Variants in CTPS2 observed in about 807,000 individuals in gnomAD.
CTPS2 encodes the protein CTP synthase II.
A neutral mutation model predicts 46.8 loss-of-function variants in CTPS2; 19 were observed. That is an observed-to-expected ratio of 0.41 (90% CI 0.28 to 0.60). The LOEUF (loss-of-function observed/expected upper bound fraction) is 0.60. Among genes scored for constraint, CTPS2 ranks in the 20% least tolerant of loss-of-function variants. The pLI is 0.35. For synonymous variants in CTPS2, 151 were observed against 165.2 expected, an observed-to-expected ratio of 0.91 and a Z score of 0.66; for missense variants, 286 against 447.6, an observed-to-expected ratio of 0.64 and a Z score of 3.26.
chrX:16,618,301 C>A (rs1458822816), intron 15 of CTPS2, among the ~76,000 whole-genome samples: 1 of 111,836 alleles, frequency 8.9e-6, no homozygotes, highest in African/African-American at 3.2e-5. Flanking sequence ...CTGAATAATA[C>A]TCCATTGAAT....
chrX:16,637,225 C>G (rs1305624417), intron 14 of CTPS2, among the ~76,000 whole-genome samples: 2 of 111,177 alleles, frequency 1.8e-5, no homozygotes, highest in Non-Finnish European at 3.8e-5. Context: ...CACATTACAC[C>G]ACATCCAGCA....
chrX:16,624,286 C>A (rs1273591771), intron 14 of CTPS2, among the ~76,000 whole-genome samples: 2 of 111,929 alleles, frequency 1.8e-5, no homozygotes, highest in Non-Finnish European at 3.8e-5. Context: ...CAAAATTAAT[C>A]CATTGCTATA....
intron 17 of CTPS2, among the ~76,000 whole-genome samples, chrX:16,606,854 C>T (rs113412535): frequency 0.069 from 7,733 of 111,314 alleles, 425 homozygotes; most frequent in African/African-American, 0.18. Flanking sequence ...CTCTGCCTCC[C>T]GGGTTCAAAC....
At chrX:16,691,762 A>C in intron 6 of CTPS2, 142 bp from the exon 7 acceptor site, 1 of 476,207 alleles carries the variant, frequency 2.1e-6, no homozygotes. Flanking sequence ...TGGTCTGAGC[A>C]CTAATATAAG....
At position 16,590,851 on chromosome X, in the gene CTPS2, C is replaced by T. The variant is rs751985222; in HGVS notation, c.1703G>A (p.Ser568Asn). The T allele has an allele frequency of 8.4e-6, 10 of 1,186,965 alleles. No homozygotes were observed. The highest frequency in any genetic ancestry group is 4.6e-6 in the Non-Finnish European group (4 of 876,296). Residue 568 changes from serine (S) to asparagine (N), a missense_variant, in exon 18 of 19, where the codon AGT becomes AAT. Transcript: ENST00000359276. ...GCKLSSSDRY[S>N]DASDDSFSEP... Reference sequence around the variant, plus strand: ...TGAAAAGCTGTCATCACTGGCATCACTGTATCTATCACTAGATTAAAAGAG... The same window carrying T: ...TGAAAAGCTGTCATCACTGGCATCATTGTATCTATCACTAGATTAAAAGAG...
At chrX:16,682,434 G>A (rs942241805) in intron 9 of CTPS2, among the ~76,000 whole-genome samples, 2 of 111,958 alleles carry the variant, frequency 1.8e-5, no homozygotes, top group African/African-American at 3.2e-5. Flanking sequence ...GCGGTGGGCC[G>A]AGATCATGCC....
intron 14 of CTPS2, among the ~76,000 whole-genome samples, chrX:16,624,795 A>G (rs1303401781): frequency 8.9e-6 from 1 of 112,132 alleles, no homozygotes; most frequent in East Asian, 2.8e-4. Context: ...ATGTTCACTT[A>G]AGAAGTAAAT....
intron 14 of CTPS2, among the ~76,000 whole-genome samples, chrX:16,623,370 A>G (rs1453753405): frequency 1.8e-5 from 2 of 111,141 alleles, no homozygotes; most frequent in East Asian, 5.6e-4. Context: ...CATTCTTTCT[A>G]CTTTTTGAAC....
At chrX:16,604,389 CAAAT>C (rs1423118210) in intron 17 of CTPS2, among the ~76,000 whole-genome samples, 1 of 112,598 alleles carries the variant, frequency 8.9e-6, no homozygotes, top group East Asian at 2.8e-4. Flanking sequence ...TCTGATCTGA[CAAAT>C]AAAAACTGGA....
intron 17 of CTPS2, among the ~76,000 whole-genome samples, chrX:16,596,907 C>T (rs1345888028): frequency 1.9e-5 from 2 of 105,425 alleles, no homozygotes; most frequent in Admixed American, 2.0e-4. Flanking sequence ...GAGATGATAT[C>T]TCATTGTGGT....
intron 14 of CTPS2, among the ~76,000 whole-genome samples, chrX:16,628,416 A>G (rs1165125079): frequency 9.0e-6 from 1 of 110,510 alleles, no homozygotes; most frequent in Non-Finnish European, 1.9e-5. Flanking sequence ...CCCAGGCTGG[A>G]GTGCAGTGGT....
At chrX:16,636,929 A>AT (rs1569205716) in intron 14 of CTPS2, among the ~76,000 whole-genome samples, 4 of 111,435 alleles carry the variant, frequency 3.6e-5, no homozygotes, top group African/African-American at 1.3e-4. Context: ...AAAAAAATAA[A>AT]AAATAAAAAA....
At chrX:16,654,430 T>G (rs1330255891) in intron 13 of CTPS2, 1 of 1,202,076 alleles carries the variant, frequency 8.3e-7, no homozygotes, top group South Asian at 1.8e-5. Flanking sequence ...GATGATCTCT[T>G]TCAAGAACTG....
chrX:16,702,984 A>AAAACTAG (rs1924697262), intron 1 of CTPS2, 43 bp from the exon 2 acceptor site: 1 of 891,591 alleles, frequency 1.1e-6, no homozygotes, highest in African/African-American at 2.0e-5. Context: ...AGAAATATTT[A>AAAACTAG]AAACTAGTAA....
intron 14 of CTPS2, among the ~76,000 whole-genome samples, chrX:16,622,015 G>A (rs935780774): frequency 2.5e-4 from 28 of 110,708 alleles, no homozygotes; most frequent in Non-Finnish European, 5.7e-5. Context: ...CACTGGCAGG[G>A]GTCATTCAGG....
At chrX:16,621,446 TATAATAATA>T (rs10666371) in intron 14 of CTPS2, among the ~76,000 whole-genome samples, 1,244 of 102,841 alleles carry the variant, frequency 0.012, 29 homozygotes, top group African/African-American at 0.041. Context: ...GAACTTAAAG[TATAATAATA>T]ATAATAATAA....
rs746634342 is a variant in CTPS2, at chrX:16,647,255, C to CTTTTTTTTTTTT, written c.1297-8024_1297-8013dup. ...GACAATAGGCAGCATTGGGCCCATT[C>CTTTTTTTTTTTT]TTTTTTTTTTTTTTTTTTTTTTTTT... On this transcript the variant is annotated intron_variant, in intron 13 of 18. Transcript: ENST00000359276. Among the ~76,000 whole-genome samples, 20 of 39,757 alleles carry CTTTTTTTTTTTT rather than the reference C, an allele frequency of 5.0e-4. 3 individuals carry two copies. The highest frequency in any genetic ancestry group is 2.0e-3 in the African/African-American group (20 of 9,885). The allele number at this position is 39,757 out of a possible 115,157, so 34.5% of individuals were successfully genotyped here.
intron 8 of CTPS2, among the ~76,000 whole-genome samples, chrX:16,688,588 C>A (rs1222596057): frequency 9.1e-6 from 1 of 110,047 alleles, no homozygotes; most frequent in African/African-American, 3.3e-5. Flanking sequence ...CATATAACTT[C>A]AAAATAGAGA....
At chrX:16,649,520 C>A (rs1472852367) in intron 13 of CTPS2, among the ~76,000 whole-genome samples, 1 of 111,934 alleles carries the variant, frequency 8.9e-6, no homozygotes, top group African/African-American at 3.2e-5. Context: ...CAGACAGGAT[C>A]TCACTCTGTC....
Sources: allele counts gnomAD v4.1 joint callset (sites outside exome capture counted in the v4.1 genomes callset), GRCh38; gene constraint gnomAD v4.1.1; transcripts MANE v1.5; gene names NCBI Gene and HGNC (gene_info 2026-07-23, HGNC 2026-07-21).